The following ATP10B variants were observed in gnomAD, a reference collection of about 807,000 sequenced individuals.
ATP10B encodes ATPase phospholipid transporting 10B (putative), also known as phospholipid-transporting ATPase VB.
A neutral mutation model predicts 141.2 loss-of-function variants in ATP10B; 122 were observed. The ratio of observed to expected loss-of-function variants is 0.86; its 90% CI spans 0.75 to 1.00. The LOEUF (loss-of-function observed/expected upper bound fraction) is 1.00. ATP10B is among the 50% of genes least tolerant of loss of function. The pLI is 0.00. For missense variants in ATP10B, 1,876 were observed against 1,825.3 expected (o/e 1.03, Z -0.51); for synonymous variants, 685 against 692.0 (o/e 0.99, Z 0.16).
upstream of ATP10B, among the ~76,000 whole-genome samples, chr5:160,856,169 G>T (rs1298514171): frequency 6.6e-6 from 1 of 151,784 alleles, no homozygotes; most frequent in African/African-American, 2.4e-5. Context: ...GGGAAAAATG[G>T]ACATCTTTAC....
chr5:160,868,006 A>C, the ATP10B span, among the ~76,000 whole-genome samples: 1 of 152,124 alleles, frequency 6.6e-6, no homozygotes, highest in Non-Finnish European at 1.5e-5. Flanking sequence ...AAGGGGTAAT[A>C]TCACCGAAAG....
chr5:160,587,776 T>C (rs1368649793), intron 24 of ATP10B, among the ~76,000 whole-genome samples: 1 of 152,240 alleles, frequency 6.6e-6, no homozygotes, highest in African/African-American at 2.4e-5. Context: ...TGTACATTGA[T>C]TTTCTATCCT....
the ATP10B span, among the ~76,000 whole-genome samples, chr5:160,873,080 G>A: frequency 6.9e-6 from 1 of 143,966 alleles, no homozygotes; most frequent in Non-Finnish European, 1.5e-5. Flanking sequence ...TCTTGTAGCG[G>A]TCTTTTGTCT....
At chr5:160,828,847 C>T (rs891536818) in intron 1 of ATP10B, among the ~76,000 whole-genome samples, 7 of 150,698 alleles carry the variant, frequency 4.6e-5, no homozygotes, top group African/African-American at 1.7e-4. Flanking sequence ...GAAAATGTGG[C>T]ACATATACAC....
At chr5:160,827,353 G>T (rs1434511180) in intron 1 of ATP10B, among the ~76,000 whole-genome samples, 1 of 152,132 alleles carries the variant, frequency 6.6e-6, no homozygotes, top group Non-Finnish European at 1.5e-5. Flanking sequence ...TAACCAGTCT[G>T]ACTGGTGTGA....
intron 24 of ATP10B, among the ~76,000 whole-genome samples, chr5:160,575,521 T>C (rs1755137877): frequency 6.6e-6 from 1 of 152,178 alleles, no homozygotes; most frequent in Non-Finnish European, 1.5e-5. Flanking sequence ...CCTGGCCATG[T>C]GATCCTGGCA....
chr5:160,645,665 T>C (rs1361840494), intron 8 of ATP10B, among the ~76,000 whole-genome samples: 8 of 152,246 alleles, frequency 5.3e-5, no homozygotes, highest in Admixed American at 1.3e-4. Flanking sequence ...TACTCTATCC[T>C]GATGCCGTTC....
At chr5:160,618,008 T>TA in intron 15 of ATP10B, 35 bp from the exon 16 acceptor site, 1 of 1,522,304 alleles carries the variant, frequency 6.6e-7, no homozygotes, top group South Asian at 1.1e-5. Context: ...TGAGGCCACA[T>TA]ACAAATGCTC....
intron 6 of ATP10B, among the ~76,000 whole-genome samples, chr5:160,675,073 C>G (rs531382616): frequency 2.6e-4 from 39 of 152,146 alleles, no homozygotes; most frequent in Non-Finnish European, 4.9e-4. Flanking sequence ...CCTGCTGATA[C>G]AGAAAAGCAG....
At chr5:160,581,972 C>T (rs946243527) in intron 24 of ATP10B, among the ~76,000 whole-genome samples, 1 of 152,006 alleles carries the variant, frequency 6.6e-6, no homozygotes, top group African/African-American at 2.4e-5. Context: ...GATTGCAACC[C>T]TGCTTTTTTT....
intron 2 of ATP10B, among the ~76,000 whole-genome samples, chr5:160,779,886 C>T (rs1319063951): frequency 2.0e-5 from 3 of 152,170 alleles, no homozygotes; most frequent in African/African-American, 7.2e-5. Flanking sequence ...ATGGCTATGT[C>T]CTTATCTCAT....
chr5:160,636,809 C>G (rs375738144), intron 10 of ATP10B, among the ~76,000 whole-genome samples: 1 of 151,560 alleles, frequency 6.6e-6, no homozygotes, highest in Admixed American at 6.6e-5. Flanking sequence ...TCTACTCACC[C>G]GTCCATCCAC....
At chr5:160,806,646 T>C (rs957769984) in intron 1 of ATP10B, among the ~76,000 whole-genome samples, 1 of 152,228 alleles carries the variant, frequency 6.6e-6, no homozygotes, top group Non-Finnish European at 1.5e-5. Flanking sequence ...ACTGAACTCT[T>C]AGCATGTGCT....
intron 13 of ATP10B, 68 bp downstream of exon 13, chr5:160,632,061 C>T: frequency 1.4e-6 from 2 of 1,449,420 alleles, no homozygotes; most frequent in Non-Finnish European, 1.9e-6. Context: ...TTCTTTTTCA[C>T]ATTCCAGAGC....
intron 15 of ATP10B, among the ~76,000 whole-genome samples, chr5:160,618,197 G>T (rs765876720): frequency 1.3e-5 from 2 of 152,192 alleles, no homozygotes; most frequent in African/African-American, 4.8e-5. Flanking sequence ...TTCATCAAAA[G>T]CCTGGCTGAG....
chr5:160,594,802 A>G (rs539453570), intron 22 of ATP10B, among the ~76,000 whole-genome samples: 1 of 152,070 alleles, frequency 6.6e-6, no homozygotes, highest in Non-Finnish European at 1.5e-5. Context: ...AGGCCATTAC[A>G]TAATGGTAAA....
chr5:160,878,451 A>G, the ATP10B span, among the ~76,000 whole-genome samples: 1 of 152,212 alleles, frequency 6.6e-6, no homozygotes, highest in Non-Finnish European at 1.5e-5. Context: ...CCTAGGCATT[A>G]CCATTCAGGA....
intron 20 of ATP10B, chr5:160,603,697 A>C: frequency 2.2e-6 from 1 of 456,292 alleles, no homozygotes; most frequent in Non-Finnish European, 4.0e-6. Flanking sequence ...ACAATTGTTA[A>C]TGGCTCAAAA....
At chr5:160,915,063 T>A in the ATP10B span, among the ~76,000 whole-genome samples, 1 of 152,206 alleles carries the variant, frequency 6.6e-6, no homozygotes, top group African/African-American at 2.4e-5. Context: ...GTACCCTGAA[T>A]TCAGAATCAG....
Sources: allele counts gnomAD v4.1 joint callset (sites outside exome capture counted in the v4.1 genomes callset), GRCh38; gene constraint gnomAD v4.1.1; transcripts MANE v1.5; gene names NCBI Gene and HGNC (gene_info 2026-07-23, HGNC 2026-07-21).